Variants in LAMA2 observed in about 807,000 individuals in gnomAD.
LAMA2 encodes laminin subunit alpha 2, also known as laminin subunit alpha-2.
LAMA2 carries 269 observed loss-of-function variants against 364.8 expected under a neutral mutation model. The observed-to-expected ratio is 0.74, with a 90% CI of 0.67 to 0.82. LAMA2 has a LOEUF of 0.82. Among genes scored for constraint, LAMA2 ranks in the 40% least tolerant of loss-of-function variants. LAMA2 has a pLI of 0.00. For synonymous variants in LAMA2, 1,379 were observed against 1,370.6 expected, an observed-to-expected ratio of 1.01 and a Z score of -0.14; for missense variants, 3,807 against 3,873.2, an observed-to-expected ratio of 0.98 and a Z score of 0.45.
chr6:129,399,587 C>T (rs1779849138), intron 37 of LAMA2, among the ~76,000 whole-genome samples: 1 of 152,200 alleles, frequency 6.6e-6, no homozygotes, highest in Admixed American at 6.5e-5. Context: ...CTTTTAATCA[C>T]TGTGCCCTAG....
In LAMA2 at chr6:129,351,352, G is replaced by A. The variant is rs529273388; in HGVS notation, c.4524-1812G>A. Among the ~76,000 whole-genome samples, 7 of 152,218 alleles carry A rather than the reference G, an allele frequency of 4.6e-5. No homozygotes were observed. The East Asian group carries it at 1.2e-3, about 25-fold the overall frequency. On this transcript the variant is annotated intron_variant, in intron 31 of 64. Coordinates refer to ENST00000421865, the MANE Select transcript of LAMA2 (RefSeq NM_000426.4). ...TGTTAATATCCAGTAGTATTTAATC[G>A]ATAAAAGCTGTCAGTTTGTGTAGCA...
chr6:128,932,799 G>A (rs889273166), intron 1 of LAMA2, among the ~76,000 whole-genome samples: 3 of 152,102 alleles, frequency 2.0e-5, no homozygotes, highest in East Asian at 1.9e-4. Flanking sequence ...TAATTAATAC[G>A]TGTATCACCT....
chr6:129,291,740 C>T lies in LAMA2; in HGVS notation c.2856+20C>T. The T allele has an allele frequency of 6.7e-7, 1 of 1,503,660 alleles. No homozygotes were observed. The highest frequency in any genetic ancestry group is 1.1e-5 in the South Asian group (1 of 88,780). The allele number at this position is 1,503,660 out of a possible 1,614,324, so 93.1% of individuals were successfully genotyped here. A position where few individuals can be genotyped will look rare whatever the true frequency, so the allele number is the denominator to read the frequency against. On this transcript the variant is annotated intron_variant, in intron 20 of 64. Transcript: ENST00000421865. ...TGCAAGGTAAGGAGTAGAGGCTGAC[C>T]CATAAATTACTTTCTCCTTACAGAT...
At chr6:129,109,436 A>G (rs1776014670) in intron 4 of LAMA2, among the ~76,000 whole-genome samples, 2 of 152,112 alleles carry the variant, frequency 1.3e-5, no homozygotes, top group East Asian at 1.9e-4. Flanking sequence ...TGTGTTAGAC[A>G]TAGTTGAGAT....
intron 58 of LAMA2, among the ~76,000 whole-genome samples, chr6:129,500,014 C>T (rs1397832833): frequency 6.6e-6 from 1 of 152,052 alleles, no homozygotes; most frequent in East Asian, 1.9e-4. Context: ...CCTCGGCTTT[C>T]CAAATGCTGG....
chr6:128,966,120 A>C (rs1781828076), intron 1 of LAMA2, among the ~76,000 whole-genome samples: 1 of 151,436 alleles, frequency 6.6e-6, no homozygotes, highest in Non-Finnish European at 1.5e-5. Flanking sequence ...TTTAATATTT[A>C]AATAGTCACA....
Position 129,043,435 on chromosome 6 carries a change from T to C in LAMA2, c.113-6483T>C, listed in dbSNP as rs143637663. Among the ~76,000 whole-genome samples, 144 of 152,324 alleles carry C rather than the reference T, an allele frequency of 9.5e-4. No homozygotes were observed. In the East Asian group the frequency reaches 0.025, roughly 26 times the overall value. On this transcript the variant is annotated intron_variant, in intron 1 of 64. Coordinates refer to ENST00000421865, the MANE Select transcript of LAMA2 (RefSeq NM_000426.4). ...TCTATTAATCACATGTAGTGGATTT[T>C]TTTTTCATTCTAGATACTGTGTTAC...
intron 1 of LAMA2, among the ~76,000 whole-genome samples, chr6:128,948,239 A>G (rs1780600325): frequency 6.6e-6 from 1 of 152,140 alleles, no homozygotes; most frequent in African/African-American, 2.4e-5. Context: ...AGGGTCAGAA[A>G]GCCACCCTGA....
chr6:128,987,832 C>T (rs1783364043), intron 1 of LAMA2, among the ~76,000 whole-genome samples: 1 of 152,128 alleles, frequency 6.6e-6, no homozygotes, highest in Admixed American at 6.5e-5. Context: ...ATCCATGAAA[C>T]ATATGACAGA....
intron 1 of LAMA2, among the ~76,000 whole-genome samples, chr6:128,945,554 A>T (rs1325321164): frequency 6.6e-6 from 1 of 152,246 alleles, no homozygotes; most frequent in African/African-American, 2.4e-5. Flanking sequence ...TACCAGATTA[A>T]TTTTCACAGA....
intron 12 of LAMA2, among the ~76,000 whole-genome samples, chr6:129,230,240 G>C (rs1266004664): frequency 6.6e-6 from 1 of 152,130 alleles, no homozygotes; most frequent in Non-Finnish European, 1.5e-5. Flanking sequence ...AATGAATCAA[G>C]TGATCAACTT....
chr6:129,390,733 G>A (rs1779271699), intron 35 of LAMA2, among the ~76,000 whole-genome samples: 1 of 152,036 alleles, frequency 6.6e-6, no homozygotes, highest in Non-Finnish European at 1.5e-5. Flanking sequence ...ATTTGACGTA[G>A]AATTCTTTTC....
intron 1 of LAMA2, among the ~76,000 whole-genome samples, chr6:129,047,131 C>A (rs987277666): frequency 6.6e-6 from 1 of 151,778 alleles, no homozygotes; most frequent in East Asian, 1.9e-4. Flanking sequence ...AAATTTGTAA[C>A]CTGACAAACG....
rs1268929653 is a variant in LAMA2 at position 128,930,105 on chromosome 6, C to A, written c.112+46748C>A. On this transcript the variant is annotated intron_variant, in intron 1 of 64. Transcript: ENST00000421865. Reference sequence around the variant, plus strand: ...CTCAATCAGCAGCCCACAGCCCGCACAGGGCGGCGCCGCGCCCGGCAGCTA... The same window carrying A: ...CTCAATCAGCAGCCCACAGCCCGCAAAGGGCGGCGCCGCGCCCGGCAGCTA... 3 of 292,772 alleles carry A rather than the reference C, an allele frequency of 1.0e-5. No individual in the cohort carries two copies. In the Admixed American group the frequency reaches 1.5e-4, roughly 15 times the overall value. 18.1% of individuals were successfully genotyped at this position (292,772 alleles called of 1,614,324 possible).
intron 58 of LAMA2, among the ~76,000 whole-genome samples, chr6:129,501,429 C>T (rs1028152070): frequency 1.3e-5 from 2 of 152,290 alleles, no homozygotes; most frequent in South Asian, 2.1e-4. Context: ...ACCAATTTTA[C>T]GGCATTTCAA....
intron 64 of LAMA2, among the ~76,000 whole-genome samples, chr6:129,515,057 A>G (rs972039194): frequency 6.6e-6 from 1 of 152,234 alleles, no homozygotes; most frequent in African/African-American, 2.4e-5. Context: ...TTTATATTAC[A>G]AAGAAACGCA....
chr6:129,071,178 C>T, intron 3 of LAMA2, among the ~76,000 whole-genome samples: 1 of 152,090 alleles, frequency 6.6e-6, no homozygotes, highest in East Asian at 1.9e-4. Flanking sequence ...GAAATTGATC[C>T]ACTTACCTAA....
intron 45 of LAMA2, among the ~76,000 whole-genome samples, chr6:129,447,093 C>T (rs899903824): frequency 1.3e-5 from 2 of 152,146 alleles, no homozygotes; most frequent in African/African-American, 4.8e-5. Flanking sequence ...TAAGATTTAG[C>T]CAACATGGAA....
chr6:129,462,999 A>AT (rs1356520533), intron 49 of LAMA2, among the ~76,000 whole-genome samples: 1 of 152,038 alleles, frequency 6.6e-6, no homozygotes, highest in African/African-American at 2.4e-5. Context: ...TGTCAAAGAT[A>AT]TTTTTAAAAG....
Sources: gnomAD v4.1 joint callset for allele counts (sites outside exome capture counted in the v4.1 genomes callset) on GRCh38, gnomAD v4.1.1 for gene constraint, MANE v1.5 for transcripts, NCBI Gene and HGNC (gene_info 2026-07-23, HGNC 2026-07-21) for gene names.